Variants in WNK3 observed in about 807,000 individuals in gnomAD.
WNK3 encodes WNK lysine deficient protein kinase 3.
WNK3 carries 18 observed loss-of-function variants against 116.7 expected under a neutral mutation model. That is an observed-to-expected ratio of 0.15 (90% CI 0.11 to 0.23). WNK3 has a LOEUF of 0.23. Ranked by LOEUF, WNK3 falls within the 10% of genes least tolerant of loss-of-function variation. The pLI, the probability that WNK3 is intolerant of heterozygous loss-of-function variation, is 1.00. For missense variants in WNK3, 993 were observed against 1,323.8 expected (o/e 0.75, Z 3.88); for synonymous variants, 404 against 469.4 (o/e 0.86, Z 1.80).
rs192093567 is a variant in WNK3, at chrX:54,266,852, C to T, written c.2038-7514G>A. Among the ~76,000 whole-genome samples the T allele has an allele frequency of 3.5e-4, 39 of 110,649 alleles. 2 individuals carry two copies. The highest frequency in any genetic ancestry group is 3.5e-3 in the South Asian group (9 of 2,560). ...AACCTGTCATCTAGGTTTTAAGCTC[C>T]GCATGCATTAGGTATTTGTCCTAAT... On this transcript the variant is annotated intron_variant, in intron 10 of 23. Transcript: ENST00000354646.
chrX:54,206,167 C>A (rs1382414156), intron 22 of WNK3, among the ~76,000 whole-genome samples: 2 of 111,064 alleles, frequency 1.8e-5, no homozygotes, highest in Admixed American at 1.9e-4. Context: ...AGGAGGCTGA[C>A]ACAGGAGGAT....
At chrX:54,213,759 A>G (rs1256857358) in intron 22 of WNK3, among the ~76,000 whole-genome samples, 1 of 109,639 alleles carries the variant, frequency 9.1e-6, no homozygotes, top group Non-Finnish European at 1.9e-5. Flanking sequence ...TCACAAAGAA[A>G]AAAAGAGAAG....
At chrX:54,309,646 C>T (rs782034697) in intron 3 of WNK3, among the ~76,000 whole-genome samples, 1 of 111,430 alleles carries the variant, frequency 9.0e-6, no homozygotes, top group African/African-American at 3.3e-5. Context: ...GATTCTCATG[C>T]CTCAGCCTCC....
chrX:54,308,658 ATTAAC>A (rs2068853351), intron 4 of WNK3, among the ~76,000 whole-genome samples: 2 of 112,081 alleles, frequency 1.8e-5, no homozygotes, highest in Admixed American at 9.6e-5. Flanking sequence ...ATTTTTCTGA[ATTAAC>A]TTAATAAACT....
intron 2 of WNK3, among the ~76,000 whole-genome samples, chrX:54,318,171 CAACA>C (rs1198108821): frequency 1.8e-5 from 2 of 108,229 alleles, no homozygotes; most frequent in African/African-American, 6.7e-5. Context: ...CCAGCCCAGC[CAACA>C]TGGCAAAACC....
At chrX:54,251,324 C>A in intron 15 of WNK3, 75 bp downstream of exon 15, 1 of 670,182 alleles carries the variant, frequency 1.5e-6, no homozygotes. Context: ...ACATCTTTCC[C>A]AATGAAGGTG....
At position 54,236,924 on chromosome X, in the gene WNK3, G is replaced by GA; in HGVS notation, c.4628+13dup. ...GGGCAACCAGATTTGTGACAAAAGA[G>GA]AAACAGTCCTTACTTTTCTCGTAAT... is the stretch of plus-strand genomic sequence containing the variant. On this transcript the variant is annotated intron_variant, in intron 20 of 23. Transcript: ENST00000354646. The GA allele has an allele frequency of 8.5e-7, 1 of 1,171,901 alleles. No homozygotes were observed. Among genetic ancestry groups the GA allele is most frequent in the East Asian group, 3.0e-5 (1 of 33,375 alleles).
At chrX:54,294,114 C>G (rs1048535827) in intron 8 of WNK3, among the ~76,000 whole-genome samples, 2 of 110,612 alleles carry the variant, frequency 1.8e-5, no homozygotes, top group Non-Finnish European at 3.8e-5. Context: ...CTGGGGAGGT[C>G]GAGGCTGCAG....
At chrX:54,353,174 T>C (rs1557178768) in intron 1 of WNK3, among the ~76,000 whole-genome samples, 1 of 111,646 alleles carries the variant, frequency 9.0e-6, no homozygotes, top group African/African-American at 3.3e-5. Flanking sequence ...ATGGTTAAAA[T>C]GGGGCCAGGC....
At chrX:54,312,364 TTTG>T (rs1230725787) in intron 2 of WNK3, among the ~76,000 whole-genome samples, 1 of 111,066 alleles carries the variant, frequency 9.0e-6, no homozygotes, top group South Asian at 3.8e-4. Context: ...TTAGAAAAAT[TTTG>T]TTATCAAAGT....
chrX:54,321,849 A>G (rs2069039122), intron 2 of WNK3, among the ~76,000 whole-genome samples: 1 of 108,738 alleles, frequency 9.2e-6, no homozygotes, highest in Non-Finnish European at 1.9e-5. Flanking sequence ...AATCCCAGCT[A>G]CTCGAGAGGC....
chrX:54,213,157 T>A (rs782088526), intron 22 of WNK3, among the ~76,000 whole-genome samples: 73 of 109,990 alleles, frequency 6.6e-4, no homozygotes, highest in East Asian at 4.8e-3. Context: ...ATTTTTTTTT[T>A]AAATTTTTTG....
intron 22 of WNK3, among the ~76,000 whole-genome samples, chrX:54,210,519 T>C (rs782335578): frequency 7.2e-5 from 8 of 110,996 alleles, no homozygotes; most frequent in Non-Finnish European, 1.5e-4. Context: ...CCTGGCTACT[T>C]GGGAGGCTGA....
chrX:54,348,365 C>A (rs1603402675), intron 1 of WNK3, among the ~76,000 whole-genome samples: 1 of 110,691 alleles, frequency 9.0e-6, no homozygotes, highest in Admixed American at 9.8e-5. Context: ...TCAGTAGAGA[C>A]GAGGTTTCAC....
chrX:54,283,853 A>G (rs1557163317), intron 10 of WNK3, among the ~76,000 whole-genome samples: 1 of 105,068 alleles, frequency 9.5e-6, no homozygotes, highest in Non-Finnish European at 2.0e-5. Context: ...AGCTGTTAGG[A>G]TATTCCTAGA....
intron 1 of WNK3, among the ~76,000 whole-genome samples, chrX:54,356,533 G>A (rs782313508): frequency 1.8e-5 from 2 of 111,072 alleles, no homozygotes; most frequent in African/African-American, 6.5e-5. Context: ...TTGAGCTGTC[G>A]AGTTTAAACA....
chrX:54,248,359 C>T (rs1264952028), intron 17 of WNK3, among the ~76,000 whole-genome samples: 6 of 110,022 alleles, frequency 5.5e-5, no homozygotes, highest in African/African-American at 1.7e-4. Context: ...AAGAAGGAAA[C>T]GGATAACTGG....
At chrX:54,290,533 A>G (rs1557164793) in intron 10 of WNK3, among the ~76,000 whole-genome samples, 2 of 112,103 alleles carry the variant, frequency 1.8e-5, no homozygotes, top group Admixed American at 1.9e-4. Flanking sequence ...TCCTATAAAA[A>G]TCCTAATACC....
chrX:54,237,032 G>A (rs144870410), exon 20 of WNK3: 13 of 1,210,547 alleles, frequency 1.1e-5, no homozygotes, highest in Non-Finnish European at 1.5e-5. Context: ...GAATAGAAGA[G>A]TGAACTCTGT....
Sources: gnomAD v4.1 joint callset for allele counts (sites outside exome capture counted in the v4.1 genomes callset) on GRCh38, gnomAD v4.1.1 for gene constraint, MANE v1.5 for transcripts, NCBI Gene and HGNC (gene_info 2026-07-23, HGNC 2026-07-21) for gene names.